The following AGXT2 variants were observed in gnomAD, a reference collection of about 807,000 sequenced individuals.
AGXT2 encodes the protein alanine--glyoxylate aminotransferase 2, mitochondrial.
Under a neutral mutation model 62.5 loss-of-function variants are expected in AGXT2, and 61 were observed. The observed-to-expected ratio is 0.98, with a 90% CI of 0.79 to 1.21. The LOEUF is 1.21. Ranked by LOEUF, AGXT2 falls within the 50% of genes most tolerant of loss-of-function variation. The pLI is 0.00. For missense variants in AGXT2, 666 were observed against 641.5 expected, an observed-to-expected ratio of 1.04 and a Z score of -0.41; for synonymous variants, 243 against 218.7, an observed-to-expected ratio of 1.11 and a Z score of -0.98.
Position 35,026,487 on chromosome 5 carries a change from A to G in AGXT2, c.793T>C (p.Tyr265His), listed in dbSNP as rs1287533275. Residue 265 changes from tyrosine (Y) to histidine (H), a missense_variant, in exon 8 of 14, where the codon TAT (tyrosine) becomes CAT (histidine). Transcript: ENST00000231420. ...APDCCQAKDQ[Y>H]IEQFKDTLST... The stretch of plus-strand genomic sequence containing the variant: ...AGCGTATCTTTGAATTGCTCAATAT[A>G]CTGATCTTTAGCTTGGCAGCAGTCT... 1.2e-6 allele frequency: 2 copies of G among 1,613,922 alleles called. No homozygotes were observed. Among genetic ancestry groups the G allele is most frequent in the Non-Finnish European group, 1.7e-6 (2 of 1,179,970 alleles).
At chr5:35,039,538 A>T in intron 2 of AGXT2, 30 bp from the exon 3 acceptor site, 1 of 1,605,238 alleles carries the variant, frequency 6.2e-7, no homozygotes, top group Non-Finnish European at 8.5e-7. Context: ...AAACCCACAC[A>T]CTTCTTACAA....
At chr5:35,028,885 A>T (rs1580598601) in intron 7 of AGXT2, among the ~76,000 whole-genome samples, 1 of 152,220 alleles carries the variant, frequency 6.6e-6, no homozygotes, top group Admixed American at 6.5e-5. Flanking sequence ...GCATGGATGC[A>T]GTGCTGTCTC....
intron 4 of AGXT2, among the ~76,000 whole-genome samples, chr5:35,036,044 T>A (rs1187864057): frequency 6.6e-6 from 1 of 151,460 alleles, no homozygotes; most frequent in African/African-American, 2.4e-5. Flanking sequence ...GCCATTGCAC[T>A]GCAGCCTGGG....
At chr5:35,039,260 C>A in intron 3 of AGXT2, 64 bp downstream of exon 3, 1 of 1,551,856 alleles carries the variant, frequency 6.4e-7, no homozygotes, top group South Asian at 1.1e-5. Context: ...TTCAGAGTCA[C>A]TAACATAATT....
intron 7 of AGXT2, among the ~76,000 whole-genome samples, chr5:35,030,592 T>C (rs570406477): frequency 6.6e-6 from 1 of 152,226 alleles, no homozygotes; most frequent in Non-Finnish European, 1.5e-5. Context: ...AATGTACGCC[T>C]GTCACTATCA....
At chr5:35,022,830 C>A (rs1410071178) in intron 9 of AGXT2, among the ~76,000 whole-genome samples, 1 of 150,310 alleles carries the variant, frequency 6.7e-6, no homozygotes, top group Non-Finnish European at 1.5e-5. Flanking sequence ...ATAATATTAA[C>A]CAAGTACCAG....
intron 10 of AGXT2, 40 bp from the exon 11 acceptor site, chr5:35,013,085 T>C: frequency 6.6e-7 from 1 of 1,511,946 alleles, no homozygotes; most frequent in Non-Finnish European, 9.0e-7. Context: ...GAGGGACACA[T>C]TCCTGTCCAC....
At chr5:35,021,789 C>T (rs1237940680) in intron 9 of AGXT2, among the ~76,000 whole-genome samples, 1 of 152,006 alleles carries the variant, frequency 6.6e-6, no homozygotes, top group Non-Finnish European at 1.5e-5. Flanking sequence ...AACAGGCAAC[C>T]TACAAAACGG....
intron 5 of AGXT2, among the ~76,000 whole-genome samples, chr5:35,034,579 A>C (rs1767697124): frequency 6.6e-6 from 1 of 152,230 alleles, no homozygotes; most frequent in Admixed American, 6.5e-5. Context: ...GAGTCTGTTT[A>C]AATATGCTGT....
In AGXT2 at chr5:35,017,466, A is replaced by T. The variant is rs147211296; in HGVS notation, c.964-3347T>A. Among the ~76,000 whole-genome samples the T allele has an allele frequency of 2.4e-3, 358 of 152,250 alleles. 3 individuals are homozygous for T. Among genetic ancestry groups the T allele is most frequent in the African/African-American group, 8.3e-3 (347 of 41,558 alleles). On this transcript the variant is annotated intron_variant, in intron 9 of 13. Transcript: ENST00000231420. Reference sequence around the variant, plus strand: ...GGGGTGGTTCCCCCATACTGTTCTCATGGTGGTGAATAAGTCTCACAAGAT... The same window carrying T: ...GGGGTGGTTCCCCCATACTGTTCTCTTGGTGGTGAATAAGTCTCACAAGAT...
rs1374599676 is a variant in AGXT2 at position 35,018,822 on chromosome 5, G to A, written c.964-4703C>T. On this transcript the variant is annotated intron_variant, in intron 9 of 13. Transcript: ENST00000231420. ...AGACCCATCAGTGTGCTGTATTCAG[G>A]AAACCCATCTCACGTGCAGAGACAC... is the stretch of plus-strand genomic sequence containing the variant. 2.1e-5 allele frequency among the ~76,000 whole-genome samples: 3 copies of A among 143,554 alleles called. No homozygotes were observed. The East Asian group carries it at 6.0e-4, about 29-fold the overall frequency. 94.2% of individuals were successfully genotyped at this position (143,554 alleles called of 152,430 possible). A position where few individuals can be genotyped will look rare whatever the true frequency, so the allele number is the denominator to read the frequency against.
At chr5:35,004,470 C>T (rs1349952483) in intron 12 of AGXT2, among the ~76,000 whole-genome samples, 1 of 152,202 alleles carries the variant, frequency 6.6e-6, no homozygotes, top group East Asian at 1.9e-4. Context: ...GATCCCCAGC[C>T]ATTCAGAGCA....
At chr5:35,006,417 G>A (rs765299577) in intron 12 of AGXT2, among the ~76,000 whole-genome samples, 9 of 152,196 alleles carry the variant, frequency 5.9e-5, no homozygotes, top group Non-Finnish European at 1.3e-4. Context: ...TCCAGCACCC[G>A]CTTCTAGTGA....
intron 7 of AGXT2, among the ~76,000 whole-genome samples, chr5:35,032,380 C>T (rs151253435): frequency 1.3e-5 from 2 of 152,276 alleles, no homozygotes; most frequent in African/African-American, 4.8e-5. Context: ...GGCATGCCAC[C>T]ACGCCCAGCT....
At chr5:35,028,600 AGAGAGAGAGAGAGAGAGAG>A (rs1767452247) in intron 7 of AGXT2, among the ~76,000 whole-genome samples, 3 of 100,148 alleles carry the variant, frequency 3.0e-5, no homozygotes, top group Non-Finnish European at 6.2e-5. Flanking sequence ...AGAGAGAGAG[AGAGAGAGAGAGAGAGAGAG>A]AAATTCTTCT....
At chr5:34,998,947 G>A (rs1766129127) in intron 13 of AGXT2, 121 bp from the exon 14 acceptor site, 1 of 780,346 alleles carries the variant, frequency 1.3e-6, no homozygotes, top group Admixed American at 2.0e-5. Flanking sequence ...GTTTCTCTCA[G>A]TTTGGTTCCT....
At chr5:35,024,991 A>G (rs911762367) in intron 9 of AGXT2, among the ~76,000 whole-genome samples, 5 of 152,168 alleles carry the variant, frequency 3.3e-5, no homozygotes, top group African/African-American at 1.2e-4. Flanking sequence ...AAACAAACAA[A>G]AAAACCCACA....
intron 12 of AGXT2, among the ~76,000 whole-genome samples, chr5:35,005,683 A>G (rs1269712378): frequency 2.0e-5 from 3 of 148,778 alleles, no homozygotes; most frequent in Non-Finnish European, 4.5e-5. Context: ...GAAAAAAAGC[A>G]GGGTCTGAAA....
chr5:35,004,383 C>T (rs555451969), intron 12 of AGXT2, among the ~76,000 whole-genome samples: 3 of 152,146 alleles, frequency 2.0e-5, no homozygotes, highest in Non-Finnish European at 4.4e-5. Context: ...GCTTGTAGGA[C>T]TTGCTCTTTC....
Sources: gnomAD v4.1 joint callset for allele counts (sites outside exome capture counted in the v4.1 genomes callset) on GRCh38, gnomAD v4.1.1 for gene constraint, MANE v1.5 for transcripts, NCBI Gene and HGNC (gene_info 2026-07-23, HGNC 2026-07-21) for gene names.